The following PTPRF variants were observed in gnomAD, a reference collection of about 807,000 sequenced individuals.
The protein encoded by PTPRF is receptor-type tyrosine-protein phosphatase F.
In PTPRF, 59 loss-of-function variants were observed where a neutral mutation model predicts 201.8. That is an observed-to-expected ratio of 0.29 (90% CI 0.24 to 0.36). The LOEUF (loss-of-function observed/expected upper bound fraction) is 0.36. Among genes scored for constraint, PTPRF ranks in the 10% least tolerant of loss-of-function variants. The pLI is 1.00. For missense variants in PTPRF, 2,132 were observed against 2,690.5 expected, an observed-to-expected ratio of 0.79 and a Z score of 4.59; for synonymous variants, 1,088 against 1,089.7, an observed-to-expected ratio of 1.00 and a Z score of 0.03.
intron 1 of PTPRF, among the ~76,000 whole-genome samples, chr1:43,536,966 G>T (rs1307246501): frequency 1.3e-5 from 2 of 152,208 alleles, no homozygotes; most frequent in Non-Finnish European, 2.9e-5. Context: ...CATGATGAGG[G>T]TCAGTCTTGG....
intron 6 of PTPRF, among the ~76,000 whole-genome samples, chr1:43,578,432 C>G (rs1647079825): frequency 6.6e-6 from 1 of 152,184 alleles, no homozygotes; most frequent in Non-Finnish European, 1.5e-5. Flanking sequence ...CTGGCTCTGA[C>G]TGGCTTAGTG....
rs562208617 is a variant in PTPRF, at chr1:43,601,143, A to G, written c.2314-928A>G. On this transcript the variant is annotated intron_variant, in intron 13 of 33. Transcript: ENST00000359947. Reference sequence around the variant, plus strand: ...ACTTAGGCCACCCAGCATGGAGGCCAGTGGACAGAGGCCAGACCGGCACTG... The same window carrying G: ...ACTTAGGCCACCCAGCATGGAGGCCGGTGGACAGAGGCCAGACCGGCACTG... Among the ~76,000 whole-genome samples, 7 of 152,326 alleles carry G rather than the reference A, an allele frequency of 4.6e-5. No individual in the cohort carries two copies. In the South Asian group the frequency reaches 1.5e-3, roughly 32 times the overall value.
intron 2 of PTPRF, among the ~76,000 whole-genome samples, chr1:43,540,981 T>C (rs1644327229): frequency 6.6e-6 from 1 of 152,258 alleles, no homozygotes; most frequent in South Asian, 2.1e-4. Context: ...CGCGGTGAAC[T>C]GTCCAGGACA....
Position 43,606,222 on chromosome 1 carries a change from C to T in PTPRF, c.3484-18C>T, listed in dbSNP as rs1448514185. The T allele has an allele frequency of 6.2e-7, 1 of 1,606,864 alleles. No homozygotes were observed. The highest frequency in any genetic ancestry group is 1.1e-5 in the South Asian group (1 of 90,460). ...ATGCTCCAAGGCCCCTCATGACCCCCATGCTCTGCTCTGCCAGCTTCTAGA... is the reference window on the plus strand; with the variant it reads ...ATGCTCCAAGGCCCCTCATGACCCCTATGCTCTGCTCTGCCAGCTTCTAGA... On this transcript the variant is annotated intron_variant, in intron 19 of 33. Transcript: ENST00000359947.
intron 1 of PTPRF, among the ~76,000 whole-genome samples, chr1:43,534,821 C>G (rs1381469014): frequency 6.6e-6 from 1 of 152,164 alleles, no homozygotes; most frequent in Admixed American, 6.5e-5. Flanking sequence ...GAGTTTTATA[C>G]TGCTAGGATT....
At chr1:43,525,804 C>CAAAA (rs1179056466), upstream of PTPRF, among the ~76,000 whole-genome samples, 11,666 of 35,518 alleles carry the variant, frequency 0.33, 2,745 homozygotes, top group East Asian at 0.5. Context: ...GACTCAGTCT[C>CAAAA]AAAAAAAAAA....
chr1:43,541,284 G>A (rs141539362), intron 2 of PTPRF, among the ~76,000 whole-genome samples: 29 of 152,330 alleles, frequency 1.9e-4, no homozygotes, highest in African/African-American at 7.0e-4. Flanking sequence ...CTGTGTTTGC[G>A]TATTTATGAT....
chr1:43,553,362 G>A lies in PTPRF; in HGVS notation c.92-130G>A, dbSNP rs1239493987. On this transcript the variant is annotated intron_variant, in intron 3 of 33. Transcript: ENST00000359947. The surrounding 1 kb of genome is among the most constrained non-coding windows in gnomAD (Gnocchi z 4.1). ...GAACAGTGCCTGGCACATACTAAGCGCTACATAAAGGTGAGGTGTCCTTGT... is the reference window on the plus strand; with the variant it reads ...GAACAGTGCCTGGCACATACTAAGCACTACATAAAGGTGAGGTGTCCTTGT... 6.8e-6 allele frequency: 7 copies of A among 1,022,448 alleles called. No homozygotes were observed. Among genetic ancestry groups the A allele is most frequent in the African/African-American group, 4.8e-5 (3 of 62,104 alleles). 63.3% of individuals were successfully genotyped at this position (1,022,448 alleles called of 1,614,324 possible). A position where few individuals can be genotyped will look rare whatever the true frequency, so the allele number is the denominator to read the frequency against.
chr1:43,612,617 T>A, intron 22 of PTPRF: 10 of 472,962 alleles, frequency 2.1e-5, no homozygotes, highest in Non-Finnish European at 3.9e-5. Context: ...CCCCAGCCCC[T>A]CACCGCCCCC....
chr1:43,597,648 T>C, intron 11 of PTPRF, 100 bp from the exon 12 acceptor site: 1 of 909,142 alleles, frequency 1.1e-6, no homozygotes, highest in Non-Finnish European at 1.7e-6. Flanking sequence ...ACCTAAGGGG[T>C]AGCCTGCCCG....
Position 43,609,493 on chromosome 1 carries a change from C to A in PTPRF, c.3968C>A (p.Thr1323Asn), listed in dbSNP as rs1411223375. ...GAGATGCGGAGGCTCAACTACCAGA[C>A]CCCAGGTAGGGCACTCCTATGGCCT... is the stretch of plus-strand genomic sequence containing the variant. Reference protein sequence around the residue: ...PVEMRRLNYQTPGMRDHPPIP... With the variant: ...PVEMRRLNYQNPGMRDHPPIP... The change falls in exon 22 of 34, where the codon ACC (threonine) becomes AAC (asparagine). Residue 1323 changes from threonine (T) to asparagine (N), a missense_variant. Thr to Asn is a moderately conservative substitution (Grantham distance 65). Around this residue, in one of 6 missense-constraint regions of PTPRF, gnomAD observed 818 missense variants for 915.3 expected, o/e 0.89. Coordinates refer to ENST00000359947, the MANE Select transcript of PTPRF (RefSeq NM_002840.5). 1.2e-6 allele frequency: 2 copies of A among 1,612,656 alleles called. No homozygotes were observed. Among genetic ancestry groups the A allele is most frequent in the Non-Finnish European group, 1.7e-6 (2 of 1,179,214 alleles).
chr1:43,597,610 G>T, intron 11 of PTPRF, 138 bp from the exon 12 acceptor site: 1 of 665,910 alleles, frequency 1.5e-6, no homozygotes, highest in Non-Finnish European at 2.6e-6. Flanking sequence ...CAGCCTGCCT[G>T]GAGGGACCCT....
intron 5 of PTPRF, among the ~76,000 whole-genome samples, chr1:43,569,136 G>C (rs1646388452): frequency 6.6e-6 from 1 of 152,206 alleles, no homozygotes; most frequent in African/African-American, 2.4e-5. Flanking sequence ...CACTGTGTGT[G>C]CGGACAGGGG....
intron 2 of PTPRF, among the ~76,000 whole-genome samples, chr1:43,544,228 G>T (rs764486549): frequency 6.6e-6 from 1 of 151,934 alleles, no homozygotes; most frequent in Non-Finnish European, 1.5e-5. Flanking sequence ...GGCTTCTGGG[G>T]CAAGGGCAGA....
intron 28 of PTPRF, 52 bp downstream of exon 28, chr1:43,619,625 G>T: frequency 6.2e-7 from 1 of 1,610,212 alleles, no homozygotes. Flanking sequence ...GGGTCATGCA[G>T]ATGACCCCCA....
chr1:43,531,671 C>T (rs554237314), intron 1 of PTPRF, among the ~76,000 whole-genome samples: 1 of 151,834 alleles, frequency 6.6e-6, no homozygotes, highest in African/African-American at 2.4e-5. Context: ...GTTTGAAGCC[C>T]CCCCACCCCC....
At chr1:43,543,712 C>T (rs1324313516) in intron 2 of PTPRF, among the ~76,000 whole-genome samples, 1 of 151,892 alleles carries the variant, frequency 6.6e-6, no homozygotes, top group Non-Finnish European at 1.5e-5. Flanking sequence ...GGTCACCTGC[C>T]CTGTCACCTT....
At chr1:43,605,117 G>A (rs980343327) in intron 17 of PTPRF, 73 bp from the exon 18 acceptor site, 24 of 1,573,798 alleles carry the variant, frequency 1.5e-5, no homozygotes, top group East Asian at 4.5e-5. Flanking sequence ...TTGTGTATCC[G>A]TGCACTGTGC....
At chr1:43,610,049 A>G (rs1656076281) in intron 22 of PTPRF, among the ~76,000 whole-genome samples, 1 of 152,136 alleles carries the variant, frequency 6.6e-6, no homozygotes, top group Non-Finnish European at 1.5e-5. Flanking sequence ...AACACCCAGC[A>G]GACACAGCTC....
Sources: gnomAD v4.1 joint callset for allele counts (sites outside exome capture counted in the v4.1 genomes callset) on GRCh38, gnomAD v4.1.1 for gene constraint, gnomAD v4.1.1 regional missense constraint, Gnocchi (gnomAD v3.1) non-coding constraint, MANE v1.5 for transcripts, NCBI Gene and HGNC (gene_info 2026-07-23, HGNC 2026-07-21) for gene names.